The following GRAMD1B variants were observed in gnomAD, a reference collection of about 807,000 sequenced individuals.
GRAMD1B encodes the protein protein Aster-B.
A neutral mutation model predicts 99.7 loss-of-function variants in GRAMD1B; 37 were observed. The observed-to-expected ratio is 0.37, with a 90% confidence interval of 0.29 to 0.49. GRAMD1B has a LOEUF of 0.49. Ranked by LOEUF, GRAMD1B falls within the 20% of genes least tolerant of loss-of-function variation. The pLI is 0.98. For synonymous variants in GRAMD1B, 427 were observed against 387.6 expected, an observed-to-expected ratio of 1.10 and a Z score of -1.19; for missense variants, 888 against 1,009.2, an observed-to-expected ratio of 0.88 and a Z score of 1.63.
At position 123,622,542 on chromosome 11, in the gene GRAMD1B, A is replaced by G; in HGVS notation, c.2581A>G (p.Arg861Gly). 1.3e-6 allele frequency: 2 copies of G among 1,559,408 alleles called. No individual in the cohort carries two copies. Among genetic ancestry groups the G allele is most frequent in the Non-Finnish European group, 1.7e-6 (2 of 1,151,288 alleles). ...GCTCATCAACCTTCAGAACGGCATCAGGTCCCGCGACTACACGTCGGAAAG... is the reference window on the plus strand; with the variant it reads ...GCTCATCAACCTTCAGAACGGCATCGGGTCCCGCGACTACACGTCGGAAAG... The part of the protein sequence containing the change: ...DSLINLQNGI[R>G]SRDYTSESEE... Residue 861 changes from arginine (R) to glycine (G), a missense_variant, in exon 20 of 20, where the codon AGG becomes GGG. By Grantham distance (125) the Arg-to-Gly change is moderately radical. Transcript: ENST00000635736.
intron 1 of GRAMD1B, among the ~76,000 whole-genome samples, chr11:123,420,337 T>C (rs1190466920): frequency 6.6e-6 from 1 of 152,152 alleles, no homozygotes; most frequent in Non-Finnish European, 1.5e-5. Context: ...GGTAGACTTC[T>C]TAACAGGTAA....
At chr11:123,414,619 G>T (rs112937951) in intron 1 of GRAMD1B, among the ~76,000 whole-genome samples, 5 of 151,980 alleles carry the variant, frequency 3.3e-5, no homozygotes, top group African/African-American at 1.2e-4. Context: ...CATAGCTCTC[G>T]CCACCTTCCA....
Position 123,606,585 on chromosome 11 carries a change from G to C in GRAMD1B, c.1324-24G>C, listed in dbSNP as rs375250787. On this transcript the variant is annotated intron_variant, in intron 10 of 19. Transcript: ENST00000635736. ...GATCCAGACCAGGTTTCCCTGGTGG[G>C]TGACTCCTCTGTCTTGGCTCCAGTT... The C allele has an allele frequency of 2.7e-5, 43 of 1,594,110 alleles. No homozygotes were observed. In the African/African-American group the frequency reaches 4.7e-4, roughly 17 times the overall value.
chr11:123,408,875 C>T lies in GRAMD1B; in HGVS notation c.-176+50076C>T, dbSNP rs550519184. ...CATTTTTGTGTTTTTCTAAGCTAGA[C>T]CTCTGAAGCTGAAAGCAGAATGCTG... On this transcript the variant is annotated intron_variant, in intron 1 of 20. Transcript: ENST00000638157. 2.0e-5 allele frequency among the ~76,000 whole-genome samples: 3 copies of T among 152,314 alleles called. No homozygotes were observed. The South Asian group carries it at 6.2e-4, about 32-fold the overall frequency.
At chr11:123,395,495 G>T (rs758680757) in intron 1 of GRAMD1B, among the ~76,000 whole-genome samples, 1 of 152,108 alleles carries the variant, frequency 6.6e-6, no homozygotes, top group East Asian at 1.9e-4. Context: ...GTGAACGTTT[G>T]CATGGTTTCC....
At chr11:123,541,896 ACTTTTATAAAAC>A (rs1466963363) in intron 2 of GRAMD1B, among the ~76,000 whole-genome samples, 3 of 152,202 alleles carry the variant, frequency 2.0e-5, no homozygotes, top group Non-Finnish European at 4.4e-5. Flanking sequence ...TATTATATCT[ACTTTTATAAAAC>A]CTAGATGACT....
rs932389508 is a variant in GRAMD1B, at chr11:123,625,517, G to A, written c.*2922G>A. The A allele has an allele frequency of 6.6e-6, 1 of 152,152 alleles. No individual in the cohort carries two copies. The highest frequency in any genetic ancestry group is 1.5e-5 in the Non-Finnish European group (1 of 68,040). The allele number at this position is 152,152 out of a possible 1,614,324, so 9.4% of individuals were successfully genotyped here. A position where few individuals can be genotyped will look rare whatever the true frequency, so the allele number is the denominator to read the frequency against. On this transcript the variant is annotated 3_prime_UTR_variant, in exon 20 of 20. Transcript: ENST00000635736. ...TCTCCCTTCCTCATCCACCTCTTTG[G>A]GGACAAGAGGATTACATCTCAGGCC...
intron 1 of GRAMD1B, among the ~76,000 whole-genome samples, chr11:123,406,479 C>G (rs1368700067): frequency 6.6e-6 from 1 of 152,042 alleles, no homozygotes; most frequent in African/African-American, 2.4e-5. Flanking sequence ...GTCTCGAACT[C>G]CTGACCTTGT....
rs995809581 is a variant in GRAMD1B, at chr11:123,430,447, C to A, written c.-346C>A. ...GCCGAGTCCCGCTAAGGCAAAGACG[C>A]CAGCAAGCGAGGAAGCGCAGCGGAA... On this transcript the variant is annotated 5_prime_UTR_variant, in exon 1 of 20. Transcript: ENST00000635736. The A allele has an allele frequency of 3.0e-4, 87 of 292,766 alleles. No individual in the cohort carries two copies. The highest frequency in any genetic ancestry group is 1.8e-3 in the African/African-American group (83 of 45,254). The allele number at this position is 292,766 out of a possible 1,614,324, so 18.1% of individuals were successfully genotyped here.
chr11:123,512,065 G>A lies in GRAMD1B; in HGVS notation c.452+31172G>A, dbSNP rs11219181. Among the ~76,000 whole-genome samples, 29 of 152,254 alleles carry A rather than the reference G, an allele frequency of 1.9e-4. No individual in the cohort carries two copies. The South Asian group carries it at 2.3e-3, about 12-fold the overall frequency. On this transcript the variant is annotated intron_variant, in intron 2 of 19. Transcript: ENST00000635736. The stretch of plus-strand genomic sequence containing the variant: ...TGGACCCATTCTCTCCTCTGTCTCC[G>A]CTTCCTCTCTCTTTTCCTTCCTTCC...
chr11:123,409,615 G>C (rs1326732518), intron 1 of GRAMD1B, among the ~76,000 whole-genome samples: 1 of 152,126 alleles, frequency 6.6e-6, no homozygotes, highest in African/African-American at 2.4e-5. Flanking sequence ...CCAGTCCCCT[G>C]GGTGCTCGTT....
rs765423887 is a variant in GRAMD1B, at chr11:123,614,785, C to T, written c.2268C>T (p.Asn756=). ...QTRHIPEDTP[N]GFHLQSVSKL... Reference sequence around the variant, plus strand: ...GGCATATCCCGGAGGACACCCCCAACGGTTTCCACCTGCAGAGCGTGTCCA... The same window carrying T: ...GGCATATCCCGGAGGACACCCCCAATGGTTTCCACCTGCAGAGCGTGTCCA... The change falls in exon 17 of 20, where the codon AAC becomes AAT. Residue 756 remains asparagine, a synonymous_variant. Coordinates refer to ENST00000635736, the MANE Select transcript of GRAMD1B (RefSeq NM_001387025.1). The T allele has an allele frequency of 3.0e-5, 49 of 1,612,504 alleles. No homozygotes were observed. The East Asian group carries it at 7.1e-4, about 23-fold the overall frequency.
chr11:123,594,359 C>A (rs74960781), intron 5 of GRAMD1B, among the ~76,000 whole-genome samples, 193 bp downstream of exon 5: 1 of 152,210 alleles, frequency 6.6e-6, no homozygotes, highest in Non-Finnish European at 1.5e-5. Context: ...GCCTCAAGAG[C>A]CCAACCTGGA....
intron 2 of GRAMD1B, among the ~76,000 whole-genome samples, chr11:123,498,064 A>G (rs375281115): frequency 1.3e-5 from 2 of 152,082 alleles, no homozygotes; most frequent in African/African-American, 2.4e-5. Context: ...ATGTTCACTT[A>G]AAGTCCAAAG....
intron 2 of GRAMD1B, among the ~76,000 whole-genome samples, chr11:123,519,345 T>C (rs1591794981): frequency 6.6e-6 from 1 of 152,042 alleles, no homozygotes; most frequent in Non-Finnish European, 1.5e-5. Context: ...CTGATCGGGG[T>C]GCAGCCCTGG....
chr11:123,395,651 G>A (rs559617696), intron 1 of GRAMD1B, among the ~76,000 whole-genome samples: 2 of 152,118 alleles, frequency 1.3e-5, no homozygotes, highest in African/African-American at 4.8e-5. Context: ...CAGTTAAATC[G>A]TGTTTAGAAA....
At chr11:123,488,070 T>G (rs761838991) in intron 2 of GRAMD1B, among the ~76,000 whole-genome samples, 6 of 152,224 alleles carry the variant, frequency 3.9e-5, no homozygotes, top group Non-Finnish European at 5.9e-5. Context: ...GGTGAGGTCC[T>G]GTTTTCTTCA....
At chr11:123,550,083 C>T (rs943291809) in intron 2 of GRAMD1B, among the ~76,000 whole-genome samples, 1 of 152,172 alleles carries the variant, frequency 6.6e-6, no homozygotes, top group African/African-American at 2.4e-5. Context: ...TCCGTGCCAT[C>T]CTATGGAAAG....
intron 1 of GRAMD1B, among the ~76,000 whole-genome samples, chr11:123,360,270 A>G (rs1946094337): frequency 6.6e-6 from 1 of 152,080 alleles, no homozygotes; most frequent in Non-Finnish European, 1.5e-5. Context: ...TTTGTTCCTT[A>G]CTTGAAGATC....
Sources: gnomAD v4.1 joint callset for allele counts (sites outside exome capture counted in the v4.1 genomes callset) on GRCh38, gnomAD v4.1.1 for gene constraint, MANE v1.5 for transcripts, NCBI Gene and HGNC (gene_info 2026-07-23, HGNC 2026-07-21) for gene names.